The following ANKH variants were observed in gnomAD, a reference collection of about 807,000 sequenced individuals.
ANKH encodes ANKH inorganic pyrophosphate transport regulator.
ANKH carries 15 observed loss-of-function variants against 49.0 expected under a neutral mutation model. The ratio of observed to expected loss-of-function variants is 0.31; its 90% CI spans 0.20 to 0.47. ANKH has a LOEUF of 0.47. Ranked by LOEUF, ANKH falls within the 20% of genes least tolerant of loss-of-function variation. The pLI, the probability that ANKH is intolerant of heterozygous loss-of-function variation, is 1.00. For missense variants in ANKH, 429 were observed against 652.0 expected (o/e 0.66, Z 3.72); for synonymous variants, 273 against 260.0 (o/e 1.05, Z -0.48).
At chr5:14,865,141 T>A (rs1457185298) in intron 1 of ANKH, among the ~76,000 whole-genome samples, 2 of 152,056 alleles carry the variant, frequency 1.3e-5, no homozygotes, top group Admixed American at 1.3e-4. Context: ...ATGCCTGTAA[T>A]CCCAGCTACT....
chr5:14,820,540 T>C (rs573257195), intron 1 of ANKH, among the ~76,000 whole-genome samples: 1 of 152,266 alleles, frequency 6.6e-6, no homozygotes, highest in South Asian at 2.1e-4. Context: ...TTAGGGAGAT[T>C]CTTACAAAAC....
At chr5:14,803,273 A>G (rs1026185854) in intron 1 of ANKH, among the ~76,000 whole-genome samples, 2 of 151,846 alleles carry the variant, frequency 1.3e-5, no homozygotes, top group Admixed American at 1.3e-4. Context: ...TCTCTTTTTT[A>G]TTTTAATTTG....
At position 14,830,773 on chromosome 5, in the gene ANKH, C is replaced by T. The variant is rs181675994; in HGVS notation, c.96+40579G>A. 9.9e-5 allele frequency among the ~76,000 whole-genome samples: 15 copies of T among 152,260 alleles called. No homozygotes were observed. In the East Asian group the frequency reaches 2.9e-3, roughly 29 times the overall value. Reference sequence around the variant, plus strand: ...TGCCCAGAAAGGAATGTCACTGGCCCTACTGGTGAAACACTAAATCTGATT... The same window carrying T: ...TGCCCAGAAAGGAATGTCACTGGCCTTACTGGTGAAACACTAAATCTGATT... On this transcript the variant is annotated intron_variant, in intron 1 of 11. Coordinates refer to ENST00000284268, the MANE Select transcript of ANKH (RefSeq NM_054027.6).
chr5:14,730,669 A>C (rs1737969363), intron 8 of ANKH, among the ~76,000 whole-genome samples: 1 of 152,172 alleles, frequency 6.6e-6, no homozygotes, highest in Non-Finnish European at 1.5e-5. Context: ...TGCAGCCTGG[A>C]GGATGGGGCC....
At chr5:14,849,002 G>A (rs1292251295) in intron 1 of ANKH, among the ~76,000 whole-genome samples, 1 of 152,142 alleles carries the variant, frequency 6.6e-6, no homozygotes, top group African/African-American at 2.4e-5. Flanking sequence ...CTGATTGGTC[G>A]GGTGTGAGCT....
chr5:14,842,755 G>A (rs567063530), intron 1 of ANKH, among the ~76,000 whole-genome samples: 11 of 152,278 alleles, frequency 7.2e-5, no homozygotes, highest in African/African-American at 2.4e-4. Context: ...AAGTATGAAC[G>A]ACACACTGAA....
At chr5:14,780,480 T>C (rs917016731) in intron 1 of ANKH, among the ~76,000 whole-genome samples, 11 of 151,990 alleles carry the variant, frequency 7.2e-5, no homozygotes, top group Non-Finnish European at 1.3e-4. Flanking sequence ...GAGGCGGAGG[T>C]TGCAGTGAGC....
chr5:14,724,663 TC>T, intron 8 of ANKH: 4 of 690,636 alleles, frequency 5.8e-6, no homozygotes, highest in Non-Finnish European at 7.1e-6. Context: ...CCATGCATGG[TC>T]CCCGAGCTCC....
intron 8 of ANKH, among the ~76,000 whole-genome samples, chr5:14,718,474 G>T (rs1737556466): frequency 6.6e-6 from 1 of 152,120 alleles, no homozygotes; most frequent in African/African-American, 2.4e-5. Context: ...AATGGGAGAA[G>T]ACACTGCACC....
rs112486043 is a variant in ANKH at position 14,713,645 on chromosome 5, G to C, written c.1164C>G (p.Thr388=). ...TTTTCTTCAGTGTCATCAGCCACCC[G>C]GTGAGATGCGCCCTCACTGTGACTG... ...PVPVTVRAHL[T]GWLMTLKKTF... is the part of the protein sequence containing the mutation. Residue 388 remains threonine (T), a synonymous_variant, in exon 10 of 12, where the codon ACC becomes ACG. Transcript: ENST00000284268. The surrounding 1 kb of genome is among the most constrained non-coding windows in gnomAD (Gnocchi z 4.4). 1.2e-6 allele frequency: 2 copies of C among 1,614,014 alleles called. No individual in the cohort carries two copies. The highest frequency in any genetic ancestry group is 1.7e-6 in the Non-Finnish European group (2 of 1,180,040).
rs1230862963 is a variant in ANKH, at chr5:14,706,633, G to C, written c.*4564C>G. ...GCAATTTCTCTCATTTTGAACATTT[G>C]CATGATTTTAGACATTTTGCCTTTA... On this transcript the variant is annotated 3_prime_UTR_variant, in exon 12 of 12. Transcript: ENST00000284268. 1 of 152,104 alleles carries C rather than the reference G, an allele frequency of 6.6e-6. No homozygotes were observed. Among genetic ancestry groups the C allele is most frequent in the Non-Finnish European group, 1.5e-5 (1 of 68,018 alleles). The allele number at this position is 152,104 out of a possible 1,614,324, so 9.4% of individuals were successfully genotyped here.
Position 14,712,882 on chromosome 5 carries a change from G to T in ANKH, c.1357C>A (p.Arg453=), listed in dbSNP as rs761349696. Residue 453 remains arginine (R), a synonymous_variant, in exon 11 of 12, where the codon CGG becomes AGG. Transcript: ENST00000284268. ...CGGCGCGGCTGTCTCACCTGCTTCC[G>T]GTAGACATAGCACGCAGCGATGGCG... ...MVAIAACYVY[R]KQKKKMENES... is the part of the protein sequence containing the mutation. 1.2e-6 allele frequency: 2 copies of T among 1,609,410 alleles called. No homozygotes were observed. Among genetic ancestry groups the T allele is most frequent in the Admixed American group, 1.7e-5 (1 of 59,466 alleles).
chr5:14,726,170 G>A (rs1336690292), intron 8 of ANKH, among the ~76,000 whole-genome samples: 1 of 152,110 alleles, frequency 6.6e-6, no homozygotes, highest in Non-Finnish European at 1.5e-5. Flanking sequence ...CTTAGGGGTG[G>A]AGGGGCCAGC....
intron 1 of ANKH, among the ~76,000 whole-genome samples, chr5:14,773,353 CTT>C (rs71603741): frequency 1.3e-5 from 1 of 77,014 alleles, no homozygotes. Context: ...GCAAAGCATT[CTT>C]TTTTTTTTTT....
chr5:14,750,808 G>C (rs2126482511), intron 5 of ANKH, among the ~76,000 whole-genome samples: 1 of 152,230 alleles, frequency 6.6e-6, no homozygotes, highest in Non-Finnish European at 1.5e-5. Flanking sequence ...CTATTCCTTG[G>C]CCACAGATTC....
intron 1 of ANKH, among the ~76,000 whole-genome samples, chr5:14,836,134 A>G (rs1386969319): frequency 1.3e-5 from 2 of 152,168 alleles, no homozygotes; most frequent in Non-Finnish European, 2.9e-5. Flanking sequence ...AATAAGAGCT[A>G]TTTATGACAA....
chr5:14,848,627 C>G (rs548395606), intron 1 of ANKH, among the ~76,000 whole-genome samples: 34 of 152,310 alleles, frequency 2.2e-4, no homozygotes, highest in African/African-American at 7.5e-4. Context: ...CGCCCACTGC[C>G]GCTCCCGATC....
chr5:14,784,465 G>A (rs1210019252), intron 1 of ANKH, among the ~76,000 whole-genome samples: 1 of 152,202 alleles, frequency 6.6e-6, no homozygotes, highest in Non-Finnish European at 1.5e-5. Flanking sequence ...GTGAGTGGCG[G>A]TGCACGGCCT....
chr5:14,832,902 A>C (rs1427584421), intron 1 of ANKH, among the ~76,000 whole-genome samples: 1 of 152,222 alleles, frequency 6.6e-6, no homozygotes, highest in Non-Finnish European at 1.5e-5. Context: ...AAAAGGAGAA[A>C]TTTGTCTGCA....
Sources: gnomAD v4.1 joint callset for allele counts (sites outside exome capture counted in the v4.1 genomes callset) on GRCh38, gnomAD v4.1.1 for gene constraint, Gnocchi (gnomAD v3.1) non-coding constraint, MANE v1.5 for transcripts, NCBI Gene and HGNC (gene_info 2026-07-23, HGNC 2026-07-21) for gene names.